The following BICD1 variants were observed in gnomAD, a reference collection of about 807,000 sequenced individuals.
The protein encoded by BICD1 is protein bicaudal D homolog 1.
A neutral mutation model predicts 92.5 loss-of-function variants in BICD1; 35 were observed. That is an observed-to-expected ratio of 0.38 (90% CI 0.29 to 0.50). The LOEUF is 0.50. BICD1 is among the 20% of genes least tolerant of loss of function. The probability of loss-of-function intolerance (pLI) is 0.93; values close to 1 mark genes in which losing one functional copy is unlikely to be tolerated. For synonymous variants in BICD1, 429 were observed against 465.1 expected (o/e 0.92, Z 1.00); for missense variants, 950 against 1,189.8 (o/e 0.80, Z 2.97).
chr12:32,302,076 C>T lies in BICD1; in HGVS notation c.580-3621C>T, dbSNP rs1220383447. 3.9e-5 allele frequency among the ~76,000 whole-genome samples: 6 copies of T among 152,042 alleles called. No individual in the cohort carries two copies. The East Asian group carries it at 5.8e-4, about 15-fold the overall frequency. On this transcript the variant is annotated intron_variant, in intron 3 of 9. Coordinates refer to ENST00000652176, the MANE Select transcript of BICD1 (RefSeq NM_001714.4). ...TAATTTTTTGTATTTTTAGTAGAGA[C>T]GGGGTTTCACTGTGTTAGCTAGGAT...
intron 5 of BICD1, among the ~76,000 whole-genome samples, chr12:32,330,462 T>A (rs1035712408): frequency 4.7e-5 from 7 of 150,450 alleles, no homozygotes; most frequent in East Asian, 4.0e-4. Flanking sequence ...ATTAGGAGAT[T>A]TACCTAATGT....
chr12:32,228,697 T>A (rs1454368773), intron 2 of BICD1, among the ~76,000 whole-genome samples: 2 of 152,014 alleles, frequency 1.3e-5, no homozygotes, highest in African/African-American at 2.4e-5. Flanking sequence ...TTCTAATGGG[T>A]TGAATGTAGA....
chr12:32,122,382 A>G (rs1186400746), intron 1 of BICD1, among the ~76,000 whole-genome samples: 1 of 151,696 alleles, frequency 6.6e-6, no homozygotes, highest in Non-Finnish European at 1.5e-5. Flanking sequence ...CCAGCTACTC[A>G]GGAGGCTGAG....
intron 2 of BICD1, among the ~76,000 whole-genome samples, chr12:32,236,351 T>C (rs1003568811): frequency 3.3e-5 from 5 of 151,912 alleles, no homozygotes; most frequent in African/African-American, 1.2e-4. Context: ...GCCAAGATCA[T>C]GCCACTGCAC....
At chr12:32,115,090 C>G (rs1229454775) in intron 1 of BICD1, among the ~76,000 whole-genome samples, 2 of 152,100 alleles carry the variant, frequency 1.3e-5, no homozygotes, top group African/African-American at 4.8e-5. Context: ...CTCCTGGCCT[C>G]AAGCGATTCT....
chr12:32,284,006 C>A (rs769238101), intron 2 of BICD1, among the ~76,000 whole-genome samples: 1 of 152,224 alleles, frequency 6.6e-6, no homozygotes, highest in Non-Finnish European at 1.5e-5. Flanking sequence ...TCCTTCCCTG[C>A]CCTCCCTCTA....
chr12:32,264,852 A>G (rs932962552), intron 2 of BICD1, among the ~76,000 whole-genome samples: 2 of 152,184 alleles, frequency 1.3e-5, no homozygotes, highest in South Asian at 4.1e-4. Context: ...ATTCTTCACT[A>G]TATTTTAGCC....
rs1938167366 is a variant in BICD1, at chr12:32,337,215, C to T, written c.2253-284C>T. On this transcript the variant is annotated intron_variant, in intron 6 of 9. Transcript: ENST00000652176. The surrounding 1 kb of genome is among the most constrained non-coding windows in gnomAD (Gnocchi z 4.7). ...TGAGCCAAGATCACGCCACTGCACT[C>T]CAGCCTGGGCGATACAGCGAGACTC... is the stretch of plus-strand genomic sequence containing the variant. 6.6e-6 allele frequency among the ~76,000 whole-genome samples: 1 copy of T among 152,154 alleles called. No homozygotes were observed. Among genetic ancestry groups the T allele is most frequent in the African/African-American group, 2.4e-5 (1 of 41,422 alleles).
intron 4 of BICD1, among the ~76,000 whole-genome samples, chr12:32,320,974 G>A (rs1307292279): frequency 6.6e-6 from 1 of 152,304 alleles, no homozygotes; most frequent in East Asian, 1.9e-4. Context: ...CACTTAAAAT[G>A]TATAGTAATT....
intron 1 of BICD1, among the ~76,000 whole-genome samples, chr12:32,198,190 A>T (rs971710495): frequency 6.6e-6 from 1 of 151,590 alleles, no homozygotes; most frequent in African/African-American, 2.4e-5. Flanking sequence ...GGGCATCAAG[A>T]GCAAAACTTC....
At chr12:32,215,101 C>T (rs931765089) in intron 1 of BICD1, among the ~76,000 whole-genome samples, 3 of 152,042 alleles carry the variant, frequency 2.0e-5, no homozygotes, top group Admixed American at 6.5e-5. Context: ...TGGTGATGGG[C>T]GTCTGTAATC....
intron 1 of BICD1, among the ~76,000 whole-genome samples, chr12:32,149,981 G>A (rs1026929195): frequency 9.2e-5 from 14 of 152,180 alleles, no homozygotes; most frequent in African/African-American, 2.7e-4. Flanking sequence ...GGCTGCGGAG[G>A]CCTCACAGTC....
intron 2 of BICD1, among the ~76,000 whole-genome samples, chr12:32,265,480 G>A (rs536265516): frequency 3.3e-5 from 5 of 151,778 alleles, no homozygotes; most frequent in South Asian, 2.1e-4. Context: ...AGGCTGAGGC[G>A]GGAGGATCCC....
At chr12:32,168,883 A>G (rs1592407808) in intron 1 of BICD1, among the ~76,000 whole-genome samples, 1 of 151,810 alleles carries the variant, frequency 6.6e-6, no homozygotes, top group African/African-American at 2.4e-5. Context: ...AATCGCTTGA[A>G]CCCGGGAGGC....
At chr12:32,166,252 T>C (rs1249562710) in intron 1 of BICD1, among the ~76,000 whole-genome samples, 103 of 151,820 alleles carry the variant, frequency 6.8e-4, no homozygotes, top group African/African-American at 2.4e-3. Flanking sequence ...TCTCCTGCCT[T>C]AGTCTCCCAA....
chr12:32,208,889 A>C (rs1157174780), intron 1 of BICD1, among the ~76,000 whole-genome samples: 2 of 151,908 alleles, frequency 1.3e-5, no homozygotes, highest in South Asian at 4.2e-4. Flanking sequence ...CAGTGGTGCA[A>C]TCTCAGCTCA....
intron 2 of BICD1, among the ~76,000 whole-genome samples, chr12:32,282,824 T>A (rs1402326001): frequency 6.6e-6 from 1 of 152,138 alleles, no homozygotes; most frequent in Non-Finnish European, 1.5e-5. Flanking sequence ...AAGAGGAAGA[T>A]ACAGAGGTGG....
intron 2 of BICD1, among the ~76,000 whole-genome samples, chr12:32,251,358 C>T (rs1946516209): frequency 6.6e-6 from 1 of 152,108 alleles, no homozygotes; most frequent in Non-Finnish European, 1.5e-5. Flanking sequence ...AACAAATTAC[C>T]ACAAACTTTG....
rs574499613 is a variant in BICD1 at position 32,309,896 on chromosome 12, AT to A, written c.1005+3776del. Among the ~76,000 whole-genome samples, 868 of 152,290 alleles carry A rather than the reference AT, an allele frequency of 5.7e-3. 4 individuals carry two copies. The highest frequency in any genetic ancestry group is 7.5e-3 in the Non-Finnish European group (508 of 68,028). ...CTGCACCCATTAACTCGTTATTTAC[AT>A]TAGGTATATCTCCTAATGCTATCCC... is the stretch of plus-strand genomic sequence containing the variant. On this transcript the variant is annotated intron_variant, in intron 4 of 9. Coordinates refer to ENST00000652176, the MANE Select transcript of BICD1 (RefSeq NM_001714.4).
Sources: gnomAD v4.1 joint callset for allele counts (sites outside exome capture counted in the v4.1 genomes callset) on GRCh38, gnomAD v4.1.1 for gene constraint, Gnocchi (gnomAD v3.1) non-coding constraint, MANE v1.5 for transcripts, NCBI Gene and HGNC (gene_info 2026-07-23, HGNC 2026-07-21) for gene names.